Variants in PIWIL2 observed in about 807,000 individuals in gnomAD.
PIWIL2 encodes piwi like RNA-mediated gene silencing 2, also known as piwi-like protein 2.
Under a neutral mutation model 116.5 loss-of-function variants are expected in PIWIL2, and 81 were observed. That is an observed-to-expected ratio of 0.70 (90% CI 0.58 to 0.84). The LOEUF (loss-of-function observed/expected upper bound fraction) is 0.84. Ranked by LOEUF, PIWIL2 falls within the 40% of genes least tolerant of loss-of-function variation. The pLI, the probability that PIWIL2 is intolerant of heterozygous loss-of-function variation, is 0.00. For missense variants in PIWIL2, 1,272 were observed against 1,212.3 expected, an observed-to-expected ratio of 1.05 and a Z score of -0.73; for synonymous variants, 489 against 429.5, an observed-to-expected ratio of 1.14 and a Z score of -1.71.
intron 16 of PIWIL2, among the ~76,000 whole-genome samples, chr8:22,311,958 T>A (rs1350029561): frequency 1.3e-5 from 2 of 151,892 alleles, no homozygotes; most frequent in Non-Finnish European, 2.9e-5. Flanking sequence ...TTTTTTTAAA[T>A]TTTTTTTTGA....
At chr8:22,320,836 A>AC (rs1831581270) in intron 20 of PIWIL2, among the ~76,000 whole-genome samples, 1 of 145,200 alleles carries the variant, frequency 6.9e-6, no homozygotes, top group Non-Finnish European at 1.5e-5. Context: ...CAGGTGATCC[A>AC]CCCCCCTCAG....
intron 20 of PIWIL2, among the ~76,000 whole-genome samples, chr8:22,331,073 G>A (rs1157046282): frequency 1.3e-5 from 2 of 152,164 alleles, no homozygotes; most frequent in African/African-American, 2.4e-5. Context: ...CTACTAAGGA[G>A]GCTGAGGGAG....
chr8:22,296,899 C>A (rs777574753), intron 10 of PIWIL2, among the ~76,000 whole-genome samples: 2 of 152,040 alleles, frequency 1.3e-5, no homozygotes, highest in African/African-American at 4.8e-5. Flanking sequence ...AAAATGTTTT[C>A]CAACTTGCCT....
At chr8:22,319,119 A>G (rs1831536535) in intron 20 of PIWIL2, among the ~76,000 whole-genome samples, 1 of 152,198 alleles carries the variant, frequency 6.6e-6, no homozygotes, top group Non-Finnish European at 1.5e-5. Context: ...AGCACTGATA[A>G]GTGCCTTTCA....
intron 8 of PIWIL2, among the ~76,000 whole-genome samples, chr8:22,289,522 T>C (rs552259034): frequency 3.8e-4 from 58 of 152,230 alleles, no homozygotes; most frequent in Non-Finnish European, 7.5e-4. Flanking sequence ...CACACTGTTA[T>C]TCACACACTT....
intron 1 of PIWIL2, among the ~76,000 whole-genome samples, chr8:22,277,526 A>T (rs533779928): frequency 4.0e-5 from 6 of 151,498 alleles, no homozygotes; most frequent in Admixed American, 2.0e-4. Flanking sequence ...AGTTTTTAAA[A>T]TTTTTTTTTC....
chr8:22,320,014 G>A (rs894405592), intron 20 of PIWIL2, among the ~76,000 whole-genome samples: 14 of 152,176 alleles, frequency 9.2e-5, no homozygotes, highest in African/African-American at 3.4e-4. Flanking sequence ...CCAGGCTGGA[G>A]TGCAGTGGCA....
chr8:22,332,134 A>G (rs779472156), intron 20 of PIWIL2, among the ~76,000 whole-genome samples: 1 of 151,978 alleles, frequency 6.6e-6, no homozygotes, highest in Non-Finnish European at 1.5e-5. Context: ...GTGAAACCCC[A>G]TCTCTACTAA....
chr8:22,289,792 G>T, intron 8 of PIWIL2, 55 bp from the exon 9 acceptor site: 1 of 1,056,828 alleles, frequency 9.5e-7, no homozygotes, highest in South Asian at 1.3e-5. Context: ...AAGAATAATG[G>T]AACATAATTT....
chr8:22,283,418 C>T (rs1290431349), intron 5 of PIWIL2, among the ~76,000 whole-genome samples, 178 bp downstream of exon 5: 1 of 152,074 alleles, frequency 6.6e-6, no homozygotes, highest in African/African-American at 2.4e-5. Context: ...TTTATTTTTT[C>T]TTCTTTTTGA....
rs568136227 is a variant in PIWIL2 at position 22,328,583 on chromosome 8, TATTTAGATCTTTTTAA to T, written c.2403+10313_2403+10328del. ...TATGGACACAGGATGTCTTTCTATT[TATTTAGATCTTTTTAA>T]ATTTCTTTCAGCAGTGTTTTGTAGT... On this transcript the variant is annotated intron_variant, in intron 20 of 22. Transcript: ENST00000356766. Among the ~76,000 whole-genome samples the T allele has an allele frequency of 7.9e-5, 12 of 152,306 alleles. No individual in the cohort carries two copies. The South Asian group carries it at 2.5e-3, about 32-fold the overall frequency.
At chr8:22,339,993 G>A (rs1162741870) in intron 20 of PIWIL2, among the ~76,000 whole-genome samples, 1 of 149,398 alleles carries the variant, frequency 6.7e-6, no homozygotes, top group Non-Finnish European at 1.5e-5. Flanking sequence ...GCACATAGAT[G>A]CAAAAATCTT....
chr8:22,344,570 T>C (rs1459502002), intron 20 of PIWIL2, among the ~76,000 whole-genome samples: 1 of 151,894 alleles, frequency 6.6e-6, no homozygotes, highest in Non-Finnish European at 1.5e-5. Flanking sequence ...CACGAGGATA[T>C]CTAAAATTTA....
rs1272986547 is a variant in PIWIL2, at chr8:22,356,623, T to A, written c.*1118T>A. ...TTTTAGTGAACTTTTCTCCCAGGTG[T>A]GTGGCCTTTATTTCTATTTATATAT... On this transcript the variant is annotated 3_prime_UTR_variant, in exon 23 of 23. Transcript: ENST00000356766. 1 of 152,198 alleles carries A rather than the reference T, an allele frequency of 6.6e-6. No homozygotes were observed. The highest frequency in any genetic ancestry group is 1.5e-5 in the Non-Finnish European group (1 of 68,030). The allele number at this position is 152,198 out of a possible 1,614,324, so 9.4% of individuals were successfully genotyped here.
At chr8:22,349,307 C>A (rs1485465402) in intron 20 of PIWIL2, among the ~76,000 whole-genome samples, 1 of 150,634 alleles carries the variant, frequency 6.6e-6, no homozygotes, top group Admixed American at 6.6e-5. Flanking sequence ...CTGCACCCGG[C>A]CTTCTATTTT....
chr8:22,315,673 C>T (rs1490801974), intron 18 of PIWIL2, among the ~76,000 whole-genome samples: 1 of 152,134 alleles, frequency 6.6e-6, no homozygotes, highest in Non-Finnish European at 1.5e-5. Context: ...TTCCGTGACA[C>T]ATGAAAATTA....
intron 20 of PIWIL2, among the ~76,000 whole-genome samples, chr8:22,335,662 C>T (rs1385156117): frequency 1.3e-5 from 2 of 151,196 alleles, no homozygotes; most frequent in Non-Finnish European, 2.9e-5. Context: ...ATTCTGCTGC[C>T]TCGGCCTCCC....
At chr8:22,293,718 A>G (rs1052467042) in intron 10 of PIWIL2, among the ~76,000 whole-genome samples, 4 of 152,232 alleles carry the variant, frequency 2.6e-5, no homozygotes, top group Non-Finnish European at 4.4e-5. Context: ...ATTGAAAAAC[A>G]TTCTTTTTTT....
At position 22,282,074 on chromosome 8, in the gene PIWIL2, C is replaced by CTTTT. The variant is rs397963368; in HGVS notation, c.425+578_425+581dup. ...AGGCATGAGCCCCACTGTGCGTGGA[C>CTTTT]TTTTTTTTTTTTTTTTTTTTTTAAG... On this transcript the variant is annotated intron_variant, in intron 4 of 22. Coordinates refer to ENST00000356766, the MANE Select transcript of PIWIL2 (RefSeq NM_018068.5). Among the ~76,000 whole-genome samples, 817 of 88,786 alleles carry CTTTT rather than the reference C, an allele frequency of 9.2e-3. 27 individuals carry two copies. Among genetic ancestry groups the CTTTT allele is most frequent in the African/African-American group, 0.031 (627 of 20,154 alleles). 58.2% of individuals were successfully genotyped at this position (88,786 alleles called of 152,430 possible).
Sources: allele counts gnomAD v4.1 joint callset (sites outside exome capture counted in the v4.1 genomes callset), GRCh38; gene constraint gnomAD v4.1.1; transcripts MANE v1.5; gene names NCBI Gene and HGNC (gene_info 2026-07-23, HGNC 2026-07-21).